Variants in TLN2 observed in about 807,000 individuals in gnomAD.
TLN2 encodes the protein talin 2, also known as talin-2.
In TLN2, 118 loss-of-function variants were observed where a neutral mutation model predicts 294.7. The observed-to-expected ratio is 0.40, with a 90% CI of 0.34 to 0.47. The LOEUF (loss-of-function observed/expected upper bound fraction) is 0.47, where lower values mean the gene tolerates loss of function less well. Ranked by LOEUF, TLN2 falls within the 20% of genes least tolerant of loss-of-function variation. The pLI, the probability that TLN2 is intolerant of heterozygous loss-of-function variation, is 0.84. For synonymous variants in TLN2, 1,431 were observed against 1,304.5 expected (o/e 1.10, Z -2.09); for missense variants, 3,083 against 3,282.2 (o/e 0.94, Z 1.48).
rs75220939 is a variant in TLN2, at chr15:62,401,493, G to A, written c.-238+10808G>A. On this transcript the variant is annotated intron_variant, in intron 1 of 58. Coordinates refer to ENST00000636159, the MANE Select transcript of TLN2 (RefSeq NM_015059.3). ...ATGAAGGAGGTCATGTTTAAGTGGC[G>A]CTTTGCAGGATGGGTTTCTTCTGCA... is the stretch of plus-strand genomic sequence containing the variant. 2.9e-3 allele frequency among the ~76,000 whole-genome samples: 439 copies of A among 152,288 alleles called. 3 individuals are homozygous for A. Among genetic ancestry groups the A allele is most frequent in the East Asian group, 0.017 (86 of 5,172 alleles).
intron 9 of TLN2, among the ~76,000 whole-genome samples, chr15:62,664,382 T>G (rs1048336329): frequency 6.6e-6 from 1 of 152,072 alleles, no homozygotes; most frequent in Non-Finnish European, 1.5e-5. Flanking sequence ...ATTTCATGTC[T>G]CTCAGATGGG....
chr15:62,570,040 T>C (rs996640879), intron 1 of TLN2, among the ~76,000 whole-genome samples: 1 of 152,198 alleles, frequency 6.6e-6, no homozygotes, highest in Non-Finnish European at 1.5e-5. Context: ...ATCTCTCCTT[T>C]CCCTTTGCTT....
chr15:62,508,271 C>T (rs2039736980), intron 1 of TLN2, among the ~76,000 whole-genome samples: 1 of 152,102 alleles, frequency 6.6e-6, no homozygotes, highest in South Asian at 2.1e-4. Context: ...GGCTGGAGTG[C>T]AGTGGTGTGA....
At chr15:62,445,611 C>T (rs765870729) in intron 1 of TLN2, among the ~76,000 whole-genome samples, 2 of 151,774 alleles carry the variant, frequency 1.3e-5, no homozygotes, top group Non-Finnish European at 2.9e-5. Flanking sequence ...GTCAGTCAAG[C>T]GTCTTATTCA....
At chr15:62,683,106 C>T (rs1305846874) in intron 11 of TLN2, 1 of 152,290 alleles carries the variant, frequency 6.6e-6, no homozygotes, top group African/African-American at 2.4e-5. Context: ...CAAACCAGCC[C>T]TTTGGCCAAG....
intron 1 of TLN2, among the ~76,000 whole-genome samples, chr15:62,418,855 G>C (rs1202451593): frequency 2.6e-5 from 4 of 152,140 alleles, no homozygotes; most frequent in Admixed American, 2.6e-4. Context: ...TCACAATGGT[G>C]GAATGTCATC....
rs2061059922 is a variant in TLN2 at position 62,737,068 on chromosome 15, T to C, written c.3549T>C (p.Arg1183=). 1.2e-6 allele frequency: 2 copies of C among 1,614,054 alleles called. No homozygotes were observed. Among genetic ancestry groups the C allele is most frequent in the Admixed American group, 1.7e-5 (1 of 60,006 alleles). Residue 1183 remains arginine (R), a synonymous_variant, in exon 29 of 59, where the codon CGT becomes CGC. Transcript: ENST00000636159. Reference sequence around the variant, plus strand: ...TGATTGCACCTGGAGATGCAGAGCGTCAACAAAGACTGGCTCAGGTGAGGC... The same window carrying C: ...TGATTGCACCTGGAGATGCAGAGCGCCAACAAAGACTGGCTCAGGTGAGGC... ...QALIAPGDAE[R]QQRLAQVAKA... is the part of the protein sequence containing the mutation.
At chr15:62,710,452 A>G (rs1260795446) in intron 21 of TLN2, among the ~76,000 whole-genome samples, 1 of 152,174 alleles carries the variant, frequency 6.6e-6, no homozygotes, top group African/African-American at 2.4e-5. Flanking sequence ...ATAATTTAAC[A>G]AGATAGGAAT....
At position 62,392,533 on chromosome 15, in the gene TLN2, G is replaced by A. The variant is rs189637591; in HGVS notation, c.-238+1848G>A. 7.8e-4 allele frequency among the ~76,000 whole-genome samples: 119 copies of A among 152,324 alleles called. 1 individual carries two copies. In the East Asian group the frequency reaches 0.021, roughly 26 times the overall value. ...GCAGCGACCTCTCTGGAGTGAGGGG[G>A]AAGCGGGAGTGGGGAATCTTTACTT... On this transcript the variant is annotated intron_variant, in intron 1 of 58. Transcript: ENST00000636159.
rs1408444037 is a variant in TLN2, at chr15:62,717,701, G to T, written c.2877+12G>T. Reference sequence around the variant, plus strand: ...TCCAGAGTTGCAAGGTGAGGTTCCAGTGCACAGAGAGCCAGGTCAGCTGCA... The same window carrying T: ...TCCAGAGTTGCAAGGTGAGGTTCCATTGCACAGAGAGCCAGGTCAGCTGCA... On this transcript the variant is annotated intron_variant, in intron 24 of 58. Transcript: ENST00000636159. 13 of 1,549,790 alleles carry T rather than the reference G, an allele frequency of 8.4e-6. No individual in the cohort carries two copies. In the East Asian group the frequency reaches 3.0e-4, roughly 36 times the overall value.
chr15:62,732,370 A>G (rs569142483), intron 28 of TLN2, among the ~76,000 whole-genome samples: 1 of 152,340 alleles, frequency 6.6e-6, no homozygotes, highest in African/African-American at 2.4e-5. Flanking sequence ...ATAAGTGAGC[A>G]CTGCATGTAT....
At chr15:62,423,585 ATT>A (rs879392912) in intron 1 of TLN2, among the ~76,000 whole-genome samples, 2 of 145,804 alleles carry the variant, frequency 1.4e-5, no homozygotes, top group East Asian at 4.0e-4. Flanking sequence ...GATGAAATTG[ATT>A]TTTTTTTTTT....
intron 1 of TLN2, among the ~76,000 whole-genome samples, chr15:62,534,134 C>T (rs996297168): frequency 6.8e-6 from 1 of 147,548 alleles, no homozygotes; most frequent in Admixed American, 6.6e-5. Flanking sequence ...TTTCTCCCCA[C>T]AGTGTGTAGG....
In TLN2 at chr15:62,820,630, T is replaced by A; in HGVS notation, c.7002+20T>A. The stretch of plus-strand genomic sequence containing the variant: ...CCAAAAGTAAGTGTTCATTTATGGT[T>A]GGCTGTCCGATGTCAGTGGGTTCTT... On this transcript the variant is annotated intron_variant, in intron 54 of 58. Coordinates refer to ENST00000636159, the MANE Select transcript of TLN2 (RefSeq NM_015059.3). 6.2e-7 allele frequency: 1 copy of A among 1,609,316 alleles called. No homozygotes were observed. Among genetic ancestry groups the A allele is most frequent in the Non-Finnish European group, 8.5e-7 (1 of 1,177,238 alleles).
intron 24 of TLN2, among the ~76,000 whole-genome samples, chr15:62,719,194 A>G (rs1234444222): frequency 1.3e-5 from 2 of 152,188 alleles, no homozygotes; most frequent in African/African-American, 4.8e-5. Flanking sequence ...ACTGTACAGC[A>G]GCACTGCCTC....
chr15:62,643,655 T>C (rs2051441512), intron 3 of TLN2, among the ~76,000 whole-genome samples: 3 of 152,096 alleles, frequency 2.0e-5, no homozygotes, highest in Middle Eastern at 3.4e-3. Flanking sequence ...ATTGAGTATC[T>C]ATCAGGAAGC....
At chr15:62,633,064 A>G (rs2050060226) in intron 3 of TLN2, among the ~76,000 whole-genome samples, 1 of 152,236 alleles carries the variant, frequency 6.6e-6, no homozygotes, top group South Asian at 2.1e-4. Context: ...CCTAAATTCT[A>G]TGTAGCATCA....
intron 1 of TLN2, among the ~76,000 whole-genome samples, chr15:62,573,551 T>C (rs915029926): frequency 9.9e-5 from 15 of 152,266 alleles, no homozygotes; most frequent in Admixed American, 2.0e-4. Flanking sequence ...CTATCTTGCA[T>C]GCATGACAGG....
rs138040649 is a variant in TLN2 at position 62,719,818 on chromosome 15, G to T, written c.2929G>T (p.Ala977Ser). 70 of 1,612,420 alleles carry T rather than the reference G, an allele frequency of 4.3e-5. No homozygotes were observed. In the African/African-American group the frequency reaches 8.9e-4, roughly 21 times the overall value. ...QLVQGVRGSQ[A>S]QAEDLSAQLA... Reference sequence around the variant, plus strand: ...GGTCCAGGGAGTGAGGGGGAGCCAAGCTCAAGCTGAAGACCTGAGTGCCCA... The same window carrying T: ...GGTCCAGGGAGTGAGGGGGAGCCAATCTCAAGCTGAAGACCTGAGTGCCCA... The change falls in exon 25 of 59, where the codon GCT (alanine) becomes TCT (serine). Residue 977 changes from alanine (A) to serine (S), a missense_variant. By Grantham distance (99) the Ala-to-Ser change is moderately conservative. Transcript: ENST00000636159.
Sources: allele counts gnomAD v4.1 joint callset (sites outside exome capture counted in the v4.1 genomes callset), GRCh38; gene constraint gnomAD v4.1.1; transcripts MANE v1.5; gene names NCBI Gene and HGNC (gene_info 2026-07-23, HGNC 2026-07-21).